Variants in GRIA3 observed in about 807,000 individuals in gnomAD.
GRIA3 encodes the protein glutamate receptor 3.
In GRIA3, 3 loss-of-function variants were observed where a neutral mutation model predicts 63.0. The ratio of observed to expected loss-of-function variants is 0.05; its 90% CI spans 0.02 to 0.12. The LOEUF is 0.12. Ranked by LOEUF, GRIA3 falls within the 10% of genes least tolerant of loss-of-function variation. The pLI is 1.00. For synonymous variants in GRIA3, 274 were observed against 257.9 expected (o/e 1.06, Z -0.60); for missense variants, 347 against 700.9 (o/e 0.50, Z 5.70).
intron 2 of GRIA3, among the ~76,000 whole-genome samples, chrX:123,249,759 C>T (rs758318983): frequency 5.4e-5 from 6 of 111,944 alleles, no homozygotes; most frequent in Non-Finnish European, 9.4e-5. Flanking sequence ...CTGAGGATTG[C>T]CACTGATCTA....
intron 2 of GRIA3, among the ~76,000 whole-genome samples, chrX:123,205,418 T>C (rs912923083): frequency 1.8e-5 from 2 of 112,587 alleles, no homozygotes; most frequent in African/African-American, 6.5e-5. Flanking sequence ...ATGCAGAAGA[T>C]ACAGATTACT....
At chrX:123,405,233 T>A (rs923545170) in intron 10 of GRIA3, among the ~76,000 whole-genome samples, 1 of 112,017 alleles carries the variant, frequency 8.9e-6, no homozygotes, top group Non-Finnish European at 1.9e-5. Flanking sequence ...ACCCACATAG[T>A]TGCCTAAGCA....
chrX:123,220,772 A>G (rs1410781170), intron 2 of GRIA3, among the ~76,000 whole-genome samples: 1 of 112,003 alleles, frequency 8.9e-6, no homozygotes, highest in Admixed American at 9.4e-5. Context: ...ACTACTTCCT[A>G]CTTCATGGGC....
chrX:123,406,138 G>A (rs997593065), intron 10 of GRIA3, among the ~76,000 whole-genome samples: 9 of 112,621 alleles, frequency 8.0e-5, no homozygotes, highest in Non-Finnish European at 1.5e-4. Context: ...ATCTTGGGCA[G>A]CTTAATGAGG....
Position 123,184,539 on chromosome X carries a change from G to A in GRIA3, c.4G>A (p.Ala2Thr), listed in dbSNP as rs1927192949. The change falls in exon 1 of 16, where the codon GCC becomes ACC. Residue 2 changes from alanine (A) to threonine (T), a missense_variant. By Grantham distance (58) the Ala-to-Thr change is moderately conservative (BLOSUM62 0). Transcript: ENST00000620443. ...TCAGCTTCGTTTTAGGCGTAGCATG[G>A]CCAGGCAGAAGAAAATGGGGCAAAG... M[A>T]RQKKMGQSVL... 1.7e-6 allele frequency: 2 copies of A among 1,204,666 alleles called. No individual in the cohort carries two copies. The highest frequency in any genetic ancestry group is 2.2e-6 in the Non-Finnish European group (2 of 889,370).
intron 12 of GRIA3, among the ~76,000 whole-genome samples, chrX:123,452,744 A>G (rs1369358009): frequency 1.8e-5 from 2 of 112,112 alleles, no homozygotes; most frequent in Admixed American, 1.9e-4. Context: ...TCATTGAAAA[A>G]TAGAACTCTA....
chrX:123,403,042 C>T lies in GRIA3; in HGVS notation c.1129C>T (p.Arg377Cys), dbSNP rs1040461510. Residue 377 changes from arginine (R) to cysteine (C), a missense_variant, in exon 8 of 16, where the codon CGT (arginine) becomes TGT (cysteine). Arg to Cys is a radical substitution (Grantham distance 180). This residue lies in a region of GRIA3 where 65 missense variants were observed against 145.8 expected (regional missense o/e 0.45). Coordinates refer to ENST00000620443, the MANE Select transcript of GRIA3 (RefSeq NM_007325.5). ...TGNIQFDTYG[R>C]RTNYTIDVYE... ...AAATATTCAATTTGACACTTATGGACGTAGGACAAATTATACCATCGATGT... is the reference window on the plus strand; with the variant it reads ...AAATATTCAATTTGACACTTATGGATGTAGGACAAATTATACCATCGATGT... The T allele has an allele frequency of 8.5e-6, 10 of 1,176,660 alleles. No homozygotes were observed. Among genetic ancestry groups the T allele is most frequent in the Non-Finnish European group, 1.2e-5 (10 of 865,662 alleles).
chrX:123,436,994 G>A (rs767443432), intron 12 of GRIA3, among the ~76,000 whole-genome samples: 10 of 109,839 alleles, frequency 9.1e-5, no homozygotes, highest in African/African-American at 2.0e-4. Context: ...TTCGACTTAC[G>A]AAAACTCAAC....
chrX:123,384,911 T>C (rs1473843502), intron 5 of GRIA3, among the ~76,000 whole-genome samples: 1 of 112,325 alleles, frequency 8.9e-6, no homozygotes, highest in African/African-American at 3.2e-5. Context: ...CTTTGTCAGA[T>C]GTATAGTTTG....
chrX:123,459,809 A>G (rs1162236010), intron 12 of GRIA3, among the ~76,000 whole-genome samples: 1 of 106,417 alleles, frequency 9.4e-6, no homozygotes, highest in Non-Finnish European at 1.9e-5. Context: ...ATCCAAAATA[A>G]GACAGAATGC....
intron 5 of GRIA3, among the ~76,000 whole-genome samples, chrX:123,394,380 C>T (rs1191713529): frequency 3.6e-5 from 4 of 110,270 alleles, no homozygotes; most frequent in Non-Finnish European, 7.6e-5. Flanking sequence ...GCCTGGGTAA[C>T]AGAGCGAGAT....
At chrX:123,358,025 T>C (rs1441321573) in intron 5 of GRIA3, among the ~76,000 whole-genome samples, 2 of 111,005 alleles carry the variant, frequency 1.8e-5, no homozygotes, top group Non-Finnish European at 3.8e-5. Context: ...TTCCCAGTTT[T>C]TTCAAAGCAG....
chrX:123,479,098 A>T (rs1332059483), intron 13 of GRIA3, among the ~76,000 whole-genome samples: 2 of 113,098 alleles, frequency 1.8e-5, no homozygotes, highest in Non-Finnish European at 3.7e-5. Context: ...AGGACTAAGG[A>T]GCAGTGGCCT....
chrX:123,440,218 C>T (rs902233205), intron 12 of GRIA3, among the ~76,000 whole-genome samples: 1 of 112,273 alleles, frequency 8.9e-6, no homozygotes, highest in African/African-American at 3.2e-5. Flanking sequence ...TAAGTTGATT[C>T]CATGCCTTTG....
intron 11 of GRIA3, among the ~76,000 whole-genome samples, chrX:123,426,586 A>G (rs995849525): frequency 1.8e-5 from 2 of 112,077 alleles, no homozygotes; most frequent in Admixed American, 9.5e-5. Context: ...AGAATCACTG[A>G]TGTAGAAGAA....
chrX:123,416,458 T>C (rs1351386911), intron 10 of GRIA3, among the ~76,000 whole-genome samples: 3 of 112,138 alleles, frequency 2.7e-5, no homozygotes, highest in Non-Finnish European at 5.6e-5. Context: ...AGGCCTGGCT[T>C]CAGACTATGA....
chrX:123,306,233 C>T (rs950000796), intron 3 of GRIA3, among the ~76,000 whole-genome samples: 2 of 111,804 alleles, frequency 1.8e-5, no homozygotes, highest in Non-Finnish European at 1.9e-5. Context: ...CTAGCTTTAT[C>T]TAAGGCTTTA....
rs1308458438 is a variant in GRIA3, at chrX:123,253,674, A to C, written c.508+132A>C. The C allele has an allele frequency of 5.3e-6, 3 of 567,320 alleles. No homozygotes were observed. The African/African-American group carries it at 6.9e-5, about 13-fold the overall frequency. 46.8% of individuals were successfully genotyped at this position (567,320 alleles called of 1,213,427 possible). A position where few individuals can be genotyped will look rare whatever the true frequency, so the allele number is the denominator to read the frequency against. On this transcript the variant is annotated intron_variant, in intron 3 of 15. Transcript: ENST00000620443. ...TAAAATTGTATTTAATATTCCAAAT[A>C]AATCAAAGGTTAAGATTAAAAAATA...
intron 5 of GRIA3, among the ~76,000 whole-genome samples, chrX:123,380,123 T>C (rs2045313679): frequency 9.0e-6 from 1 of 111,372 alleles, no homozygotes; most frequent in Non-Finnish European, 1.9e-5. Flanking sequence ...TGTGTCTTCA[T>C]AGCAGCACGA....
Sources: gnomAD v4.1 joint callset for allele counts (sites outside exome capture counted in the v4.1 genomes callset) on GRCh38, gnomAD v4.1.1 for gene constraint, gnomAD v4.1.1 regional missense constraint, MANE v1.5 for transcripts, NCBI Gene and HGNC (gene_info 2026-07-23, HGNC 2026-07-21) for gene names.